Variants in OSBPL8 observed in about 807,000 individuals in gnomAD.
OSBPL8 encodes oxysterol-binding protein-related protein 8.
OSBPL8 carries 59 observed loss-of-function variants against 125.5 expected under a neutral mutation model. That is an observed-to-expected ratio of 0.47 (90% CI 0.38 to 0.58). The LOEUF (loss-of-function observed/expected upper bound fraction) is 0.58. Ranked by LOEUF, OSBPL8 falls within the 20% of genes least tolerant of loss-of-function variation. The pLI, the probability that OSBPL8 is intolerant of heterozygous loss-of-function variation, is 0.00. For missense variants in OSBPL8, 758 were observed against 1,047.8 expected, an observed-to-expected ratio of 0.72 and a Z score of 3.82; for synonymous variants, 330 against 338.9, an observed-to-expected ratio of 0.97 and a Z score of 0.29.
At position 76,352,355 on chromosome 12, in the gene OSBPL8, T is replaced by C. The variant is rs1387536348; in HGVS notation, c.*3534A>G. ...TCATATTAATAAGACACTGGTCCTATACAATTTCAACAGTCCATCTTCAAT... is the reference window on the plus strand; with the variant it reads ...TCATATTAATAAGACACTGGTCCTACACAATTTCAACAGTCCATCTTCAAT... On this transcript the variant is annotated 3_prime_UTR_variant, in exon 24 of 24. Transcript: ENST00000261183. 1.3e-5 allele frequency: 2 copies of C among 152,544 alleles called. No individual in the cohort carries two copies. The highest frequency in any genetic ancestry group is 1.5e-5 in the Non-Finnish European group (1 of 67,992). The allele number at this position is 152,544 out of a possible 1,614,324, so 9.4% of individuals were successfully genotyped here.
intron 16 of OSBPL8, among the ~76,000 whole-genome samples, chr12:76,377,280 G>A (rs900597738): frequency 5.9e-5 from 9 of 152,152 alleles, no homozygotes; most frequent in African/African-American, 2.2e-4. Flanking sequence ...TAACCCTTTG[G>A]GTATATACCC....
chr12:76,438,881 G>A (rs559814713), intron 4 of OSBPL8, among the ~76,000 whole-genome samples: 283 of 152,224 alleles, frequency 1.9e-3, no homozygotes, highest in Middle Eastern at 0.01. Flanking sequence ...GAACTTCTGC[G>A]TCTAGGTTCA....
intron 1 of OSBPL8, among the ~76,000 whole-genome samples, chr12:76,524,058 C>A (rs750914972): frequency 3.9e-5 from 6 of 151,960 alleles, no homozygotes; most frequent in Non-Finnish European, 7.4e-5. Context: ...GAATTAGAAT[C>A]ATTTATAGTA....
chr12:76,506,540 T>C (rs144526743), intron 1 of OSBPL8, among the ~76,000 whole-genome samples: 175 of 152,318 alleles, frequency 1.1e-3, no homozygotes, highest in Middle Eastern at 3.4e-3. Flanking sequence ...ATCCTGATTT[T>C]TTGTTTTCAA....
At position 76,376,971 on chromosome 12, in the gene OSBPL8, T is replaced by C. The variant is rs571030352; in HGVS notation, c.1729+1481A>G. ...TCTCAGTGTATGATGTTCCCCTCCC[T>C]GTGCCCATGTGTTCTCATTGTTCAA... On this transcript the variant is annotated intron_variant, in intron 16 of 23. Coordinates refer to ENST00000261183, the MANE Select transcript of OSBPL8 (RefSeq NM_020841.5). Among the ~76,000 whole-genome samples, 57 of 152,166 alleles carry C rather than the reference T, an allele frequency of 3.7e-4. 1 individual carries two copies. The highest frequency in any genetic ancestry group is 4.0e-4 in the Non-Finnish European group (27 of 68,026).
At chr12:76,555,918 T>C (rs890069355) in intron 1 of OSBPL8, among the ~76,000 whole-genome samples, 1 of 152,212 alleles carries the variant, frequency 6.6e-6, no homozygotes, top group Non-Finnish European at 1.5e-5. Context: ...TGACATAATT[T>C]ATTCAGTCTG....
rs143238067 is a variant in OSBPL8 at position 76,353,052 on chromosome 12, C to G, written c.*2837G>C. 5 of 152,450 alleles carry G rather than the reference C, an allele frequency of 3.3e-5. No individual in the cohort carries two copies. Among genetic ancestry groups the G allele is most frequent in the African/African-American group, 1.2e-4 (5 of 41,532 alleles). The allele number at this position is 152,450 out of a possible 1,614,324, so 9.4% of individuals were successfully genotyped here. ...TGACAAGCCTATAAACACCTTGAAT[C>G]ACATTATAGTTCTGTAACACAAAAA... On this transcript the variant is annotated 3_prime_UTR_variant, in exon 24 of 24. Transcript: ENST00000261183.
At chr12:76,500,566 T>C (rs1879798331) in intron 1 of OSBPL8, among the ~76,000 whole-genome samples, 1 of 152,230 alleles carries the variant, frequency 6.6e-6, no homozygotes, top group Non-Finnish European at 1.5e-5. Context: ...TATAAGATTA[T>C]ATTTTTAACA....
At position 76,407,847 on chromosome 12, in the gene OSBPL8, A is replaced by G. The variant is rs117466407; in HGVS notation, c.288+2717T>C. Among the ~76,000 whole-genome samples, 242 of 152,250 alleles carry G rather than the reference A, an allele frequency of 1.6e-3. 7 individuals carry two copies. In the East Asian group the frequency reaches 0.043, roughly 27 times the overall value. On this transcript the variant is annotated intron_variant, in intron 5 of 23. Coordinates refer to ENST00000261183, the MANE Select transcript of OSBPL8 (RefSeq NM_020841.5). The stretch of plus-strand genomic sequence containing the variant: ...ATCTTACCTCCCGTGAACAAAAAAG[A>G]AAACTGAAGCCACTGTGAATTCTAG...
At chr12:76,381,992 C>A (rs1953077283) in intron 15 of OSBPL8, among the ~76,000 whole-genome samples, 1 of 152,140 alleles carries the variant, frequency 6.6e-6, no homozygotes. Context: ...ACCTTGGTCT[C>A]CCAAAGTGCT....
Position 76,355,937 on chromosome 12 carries a change from AATG to A in OSBPL8, c.2619_2621del (p.Ile874del). On this transcript the variant is annotated inframe_deletion, in exon 24 of 24. Transcript: ENST00000261183. The stretch of plus-strand genomic sequence containing the variant: ...TGACTTGAAGCAAAATCAGGAGGAA[AATG>A]ATGAAGTAGTCTTTTTGTTGCAGAA... 6.2e-7 allele frequency: 1 copy of A among 1,613,608 alleles called. No individual in the cohort carries two copies. Among genetic ancestry groups the A allele is most frequent in the Non-Finnish European group, 8.5e-7 (1 of 1,179,682 alleles).
chr12:76,503,540 GT>G (rs952951445), intron 1 of OSBPL8, among the ~76,000 whole-genome samples: 4 of 151,546 alleles, frequency 2.6e-5, no homozygotes, highest in African/African-American at 7.3e-5. Flanking sequence ...TAACAAGTAT[GT>G]TTTTTTTTAT....
At chr12:76,556,469 A>AAGAC (rs1565996403) in intron 1 of OSBPL8, among the ~76,000 whole-genome samples, 1 of 151,420 alleles carries the variant, frequency 6.6e-6, no homozygotes, top group African/African-American at 2.4e-5. Flanking sequence ...GGTGGGAAGA[A>AAGAC]AGATCTAAAA....
At chr12:76,507,059 C>A (rs1054759784) in intron 1 of OSBPL8, among the ~76,000 whole-genome samples, 1 of 151,594 alleles carries the variant, frequency 6.6e-6, no homozygotes, top group African/African-American at 2.4e-5. Flanking sequence ...ACTCATTTCT[C>A]AAAACTGCCA....
At chr12:76,369,397 A>G in intron 20 of OSBPL8, 96 bp from the exon 21 acceptor site, 1 of 1,461,738 alleles carries the variant, frequency 6.8e-7, no homozygotes, top group Non-Finnish European at 9.0e-7. Context: ...TAATAATTAT[A>G]TACATAGTTC....
intron 4 of OSBPL8, among the ~76,000 whole-genome samples, chr12:76,422,049 TTAAGA>T (rs1321028404): frequency 2.0e-4 from 30 of 152,132 alleles, no homozygotes; most frequent in African/African-American, 7.0e-4. Context: ...GATAAAAAGA[TTAAGA>T]TAATAAAGTG....
chr12:76,494,573 AG>A (rs1171201761), intron 1 of OSBPL8, among the ~76,000 whole-genome samples: 1 of 152,194 alleles, frequency 6.6e-6, no homozygotes, highest in African/African-American at 2.4e-5. Context: ...TGAATTTTGA[AG>A]GTAGAAGCAA....
intron 1 of OSBPL8, among the ~76,000 whole-genome samples, chr12:76,556,892 C>T (rs2137547017): frequency 6.6e-6 from 1 of 152,270 alleles, no homozygotes; most frequent in East Asian, 1.9e-4. Context: ...TCTTGAACTT[C>T]TGACCTCATG....
At chr12:76,518,263 C>T (rs1022230095) in intron 1 of OSBPL8, among the ~76,000 whole-genome samples, 3 of 152,228 alleles carry the variant, frequency 2.0e-5, no homozygotes, top group African/African-American at 7.2e-5. Flanking sequence ...CAAAACCCAG[C>T]AGGGCAGACA....
Sources: allele counts gnomAD v4.1 joint callset (sites outside exome capture counted in the v4.1 genomes callset), GRCh38; gene constraint gnomAD v4.1.1; transcripts MANE v1.5; gene names NCBI Gene and HGNC (gene_info 2026-07-23, HGNC 2026-07-21).